The following TSPAN5 variants were observed in gnomAD, a reference collection of about 807,000 sequenced individuals.
TSPAN5 encodes the protein tetraspanin 5.
Under a neutral mutation model 37.1 loss-of-function variants are expected in TSPAN5, and 10 were observed. The observed-to-expected ratio is 0.27, with a 90% confidence interval of 0.17 to 0.46. The LOEUF is 0.46. Among genes scored for constraint, TSPAN5 ranks in the 20% least tolerant of loss-of-function variants. The pLI is 1.00. For synonymous variants in TSPAN5, 110 were observed against 118.9 expected, an observed-to-expected ratio of 0.93 and a Z score of 0.48; for missense variants, 195 against 326.6, an observed-to-expected ratio of 0.60 and a Z score of 3.11.
chr4:98,531,058 C>T (rs10006366), intron 1 of TSPAN5, among the ~76,000 whole-genome samples: 118,587 of 152,202 alleles, frequency 0.78, 46,991 homozygotes, highest in African/African-American at 0.93. Flanking sequence ...AGGCACACTT[C>T]TCTATTTTTA....
intron 1 of TSPAN5, among the ~76,000 whole-genome samples, chr4:98,536,034 T>G (rs1754224508): frequency 6.6e-6 from 1 of 152,196 alleles, no homozygotes; most frequent in African/African-American, 2.4e-5. Context: ...CTTCTGTCAA[T>G]TCGTCAAACT....
At chr4:98,641,224 C>T (rs1370126811) in intron 1 of TSPAN5, among the ~76,000 whole-genome samples, 1 of 152,118 alleles carries the variant, frequency 6.6e-6, no homozygotes. Flanking sequence ...TCCATGGATA[C>T]CTGCATTCTG....
Position 98,480,035 on chromosome 4 carries a change from A to C in TSPAN5, c.451-1225T>G, listed in dbSNP as rs576962102. 2.0e-5 allele frequency among the ~76,000 whole-genome samples: 3 copies of C among 152,184 alleles called. No homozygotes were observed. The East Asian group carries it at 5.8e-4, about 29-fold the overall frequency. On this transcript the variant is annotated intron_variant, in intron 4 of 7. Coordinates refer to ENST00000305798, the MANE Select transcript of TSPAN5 (RefSeq NM_005723.4). ...TCCAGTGCATTGTTGGCACTGCGTG[A>C]CCAGAAGGCGGTGACCCCCCTGGAC...
intron 1 of TSPAN5, among the ~76,000 whole-genome samples, chr4:98,537,279 T>C (rs1035489146): frequency 1.3e-5 from 2 of 152,072 alleles, no homozygotes; most frequent in Non-Finnish European, 2.9e-5. Flanking sequence ...CCGGGTGAGG[T>C]GACGCCCCAC....
chr4:98,622,245 A>G (rs1480665260), intron 1 of TSPAN5, among the ~76,000 whole-genome samples: 4 of 152,020 alleles, frequency 2.6e-5, no homozygotes, highest in Admixed American at 2.6e-4. Context: ...ATGCCTGGCT[A>G]ATTTCTGTAT....
intron 1 of TSPAN5, among the ~76,000 whole-genome samples, chr4:98,520,352 C>A (rs901807124): frequency 6.6e-6 from 1 of 152,200 alleles, no homozygotes; most frequent in African/African-American, 2.4e-5. Context: ...TAACTTCCCT[C>A]AACTCAAATG....
chr4:98,555,564 G>T (rs1754723045), intron 1 of TSPAN5, among the ~76,000 whole-genome samples: 1 of 152,018 alleles, frequency 6.6e-6, no homozygotes, highest in Admixed American at 6.6e-5. Flanking sequence ...TGAGAATGGA[G>T]ACCATGTCCA....
At chr4:98,632,345 T>C (rs772445260) in intron 1 of TSPAN5, among the ~76,000 whole-genome samples, 4 of 152,154 alleles carry the variant, frequency 2.6e-5, no homozygotes, top group Non-Finnish European at 5.9e-5. Context: ...AGCTCCCCTC[T>C]GACCCCCCGA....
At chr4:98,545,075 G>C (rs1754439038) in intron 1 of TSPAN5, among the ~76,000 whole-genome samples, 1 of 152,192 alleles carries the variant, frequency 6.6e-6, no homozygotes, top group Non-Finnish European at 1.5e-5. Context: ...CAGTGGCAAG[G>C]AGTCAGGAGG....
At chr4:98,617,217 T>A (rs117657998) in intron 1 of TSPAN5, among the ~76,000 whole-genome samples, 2,870 of 152,216 alleles carry the variant, frequency 0.019, 40 homozygotes, top group South Asian at 0.05. Flanking sequence ...CCAAAATACA[T>A]GTATACCTAA....
chr4:98,522,757 C>T (rs1753882505), intron 1 of TSPAN5, among the ~76,000 whole-genome samples: 1 of 152,194 alleles, frequency 6.6e-6, no homozygotes, highest in Non-Finnish European at 1.5e-5. Context: ...ATCTTACTGG[C>T]TCAGTGACTC....
At chr4:98,548,577 A>G (rs1754525028) in intron 1 of TSPAN5, among the ~76,000 whole-genome samples, 1 of 152,076 alleles carries the variant, frequency 6.6e-6, no homozygotes, top group South Asian at 2.1e-4. Flanking sequence ...TTACATGCAT[A>G]TATTGCCTAG....
chr4:98,523,498 G>A (rs796405063), intron 1 of TSPAN5, among the ~76,000 whole-genome samples: 2 of 152,244 alleles, frequency 1.3e-5, no homozygotes, highest in South Asian at 2.1e-4. Context: ...GCAGAGGCGC[G>A]TGCTCGGCTC....
rs760545967 is a variant in TSPAN5 at position 98,507,657 on chromosome 4, T to C, written c.132+21A>G. Reference sequence around the variant, plus strand: ...GCCTCTAACAACCACGATGTGTGCATTGTCATGATATTCAACTTACTTTTT... The same window carrying C: ...GCCTCTAACAACCACGATGTGTGCACTGTCATGATATTCAACTTACTTTTT... On this transcript the variant is annotated intron_variant, in intron 2 of 7. Transcript: ENST00000305798. 10 of 1,596,038 alleles carry C rather than the reference T, an allele frequency of 6.3e-6. No individual in the cohort carries two copies. The Admixed American group carries it at 1.2e-4, about 19-fold the overall frequency.
chr4:98,633,702 G>A (rs542667739), intron 1 of TSPAN5, among the ~76,000 whole-genome samples: 59 of 152,256 alleles, frequency 3.9e-4, no homozygotes, highest in African/African-American at 9.6e-4. Context: ...AGACTGGATC[G>A]TCATGAAATA....
chr4:98,645,388 A>G (rs1445024844), intron 1 of TSPAN5, among the ~76,000 whole-genome samples: 1 of 152,190 alleles, frequency 6.6e-6, no homozygotes, highest in Non-Finnish European at 1.5e-5. Flanking sequence ...AAAAGAAAAG[A>G]TTGTTTCAGA....
chr4:98,473,500 C>T (rs977815413), intron 7 of TSPAN5, among the ~76,000 whole-genome samples: 14 of 150,438 alleles, frequency 9.3e-5, no homozygotes, highest in Non-Finnish European at 1.3e-4. Context: ...TCGCCCAGGC[C>T]GGACTGCGGA....
intron 1 of TSPAN5, among the ~76,000 whole-genome samples, chr4:98,601,778 GT>G (rs1474546717): frequency 6.6e-6 from 1 of 152,168 alleles, no homozygotes; most frequent in Non-Finnish European, 1.5e-5. Flanking sequence ...TTTGGCCCAA[GT>G]TTTTTGGTCT....
intron 1 of TSPAN5, among the ~76,000 whole-genome samples, chr4:98,533,427 G>A (rs904362604): frequency 3.3e-5 from 5 of 151,328 alleles, no homozygotes; most frequent in Non-Finnish European, 5.9e-5. Context: ...GGGGTGTTAT[G>A]TGTCCAGGAT....
Sources: gnomAD v4.1 joint callset for allele counts (sites outside exome capture counted in the v4.1 genomes callset) on GRCh38, gnomAD v4.1.1 for gene constraint, MANE v1.5 for transcripts, NCBI Gene and HGNC (gene_info 2026-07-23, HGNC 2026-07-21) for gene names.